ADARB1: variants seen among roughly 807,000 people sequenced by gnomAD.
ADARB1 encodes the protein double-stranded RNA-specific editase 1.
ADARB1 carries 10 observed loss-of-function variants against 52.4 expected under a neutral mutation model. The observed-to-expected ratio is 0.19, with a 90% CI of 0.12 to 0.32. The LOEUF is 0.32. ADARB1 is among the 10% of genes least tolerant of loss of function. ADARB1 has a pLI of 1.00. For missense variants in ADARB1, 643 were observed against 922.3 expected (o/e 0.70, Z 3.92); for synonymous variants, 349 against 371.1 (o/e 0.94, Z 0.68).
At position 45,172,106 on chromosome 21, in the gene ADARB1, C is replaced by T. The variant is rs887692176; in HGVS notation, c.28+422C>T. Among the ~76,000 whole-genome samples the T allele has an allele frequency of 4.5e-4, 68 of 152,102 alleles. No homozygotes were observed. The highest frequency in any genetic ancestry group is 8.8e-5 in the Non-Finnish European group (6 of 68,014). ...TATTTCCCTTCAAAATGCAGGTTCT[C>T]GCTGCATTTTGAAGGAAGGGGATTC... On this transcript the variant is annotated intron_variant, in intron 3 of 10. Transcript: ENST00000348831. This position sits in a 1 kb window ranked among gnomAD's most constrained non-coding sequence, Gnocchi z 4.4.
At position 45,222,827 on chromosome 21, in the gene ADARB1, A is replaced by T. The variant is rs1243299981; in HGVS notation, c.*630A>T. 2 of 985,400 alleles carry T rather than the reference A, an allele frequency of 2.0e-6. No homozygotes were observed. The highest frequency in any genetic ancestry group is 2.4e-6 in the Non-Finnish European group (2 of 830,014). The allele number at this position is 985,400 out of a possible 1,614,324, so 61.0% of individuals were successfully genotyped here. On this transcript the variant is annotated 3_prime_UTR_variant, in exon 11 of 11. Transcript: ENST00000348831. ...TCTCCCTGAGGAGCAGACTCCCAGCATGGTGTAGCGTGGCCCTGTCATGCA... is the reference window on the plus strand; with the variant it reads ...TCTCCCTGAGGAGCAGACTCCCAGCTTGGTGTAGCGTGGCCCTGTCATGCA...
intron 8 of ADARB1, among the ~76,000 whole-genome samples, chr21:45,194,777 A>G: frequency 6.6e-6 from 1 of 152,108 alleles, no homozygotes; most frequent in East Asian, 1.9e-4. Context: ...ATTTTTTTTA[A>G]GTGCTAAATA....
At chr21:45,099,474 G>T (rs186637688) in intron 1 of ADARB1, among the ~76,000 whole-genome samples, 105 of 150,892 alleles carry the variant, frequency 7.0e-4, no homozygotes, top group South Asian at 4.5e-3. Context: ...AGACCAGCCT[G>T]GCCAACATGG....
rs999638256 is a variant in ADARB1, at chr21:45,223,202, T to C, written c.*1005T>C. On this transcript the variant is annotated 3_prime_UTR_variant, in exon 11 of 11. Coordinates refer to ENST00000348831, the MANE Select transcript of ADARB1 (RefSeq NM_001112.4). ...GAAGTAGAATGATTTCAGTAGATAC[T>C]CATTCTTGGAAAATGCCATAGTTTT... 5 of 985,346 alleles carry C rather than the reference T, an allele frequency of 5.1e-6. No homozygotes were observed. The Admixed American group carries it at 3.1e-4, about 61-fold the overall frequency. The allele number at this position is 985,346 out of a possible 1,614,324, so 61.0% of individuals were successfully genotyped here.
At chr21:45,178,140 C>T (rs572857429) in intron 4 of ADARB1, among the ~76,000 whole-genome samples, 2 of 152,338 alleles carry the variant, frequency 1.3e-5, no homozygotes, top group African/African-American at 4.8e-5. Flanking sequence ...TCCCAGATGT[C>T]TGAACCTTCA....
intron 1 of ADARB1, among the ~76,000 whole-genome samples, chr21:45,078,857 T>C (rs1723339043): frequency 6.6e-6 from 1 of 152,246 alleles, no homozygotes; most frequent in African/African-American, 2.4e-5. Flanking sequence ...GCTTTACATA[T>C]ATTAATTCAT....
At chr21:45,191,680 A>G (rs2092285251) in intron 8 of ADARB1, among the ~76,000 whole-genome samples, 1 of 151,626 alleles carries the variant, frequency 6.6e-6, no homozygotes, top group African/African-American at 2.4e-5. Context: ...ATTTTTGTTT[A>G]TAAGTTAAAT....
intron 2 of ADARB1, among the ~76,000 whole-genome samples, chr21:45,162,190 C>A (rs531712123): frequency 2.0e-5 from 3 of 152,208 alleles, no homozygotes; most frequent in Non-Finnish European, 4.4e-5. Context: ...AGTGACGCCC[C>A]CTTTGGGGCC....
At chr21:45,214,563 G>A (rs894263313) in intron 9 of ADARB1, among the ~76,000 whole-genome samples, 6 of 152,194 alleles carry the variant, frequency 3.9e-5, no homozygotes, top group African/African-American at 1.2e-4. Flanking sequence ...TGTAGGGTAT[G>A]AAGGATGAAC....
At chr21:45,090,719 C>T (rs765734156) in intron 1 of ADARB1, among the ~76,000 whole-genome samples, 7 of 152,178 alleles carry the variant, frequency 4.6e-5, no homozygotes, top group Non-Finnish European at 7.3e-5. Context: ...CTACCCTCCC[C>T]AGGAGGACCC....
chr21:45,099,491 C>T (rs529495093), intron 1 of ADARB1, among the ~76,000 whole-genome samples: 1 of 137,546 alleles, frequency 7.3e-6, no homozygotes, highest in South Asian at 2.6e-4. Context: ...ATGGTGAAAC[C>T]CTATCTCTAC....
chr21:45,199,461 C>A (rs907069768), intron 8 of ADARB1, among the ~76,000 whole-genome samples: 3 of 152,176 alleles, frequency 2.0e-5, no homozygotes, highest in Non-Finnish European at 4.4e-5. Flanking sequence ...AGGGCTGCAG[C>A]CAGCAGTCTG....
chr21:45,097,328 G>A (rs997391857), intron 1 of ADARB1, among the ~76,000 whole-genome samples: 11 of 152,106 alleles, frequency 7.2e-5, no homozygotes, highest in African/African-American at 2.2e-4. Flanking sequence ...CATGATTTTC[G>A]GGCTACTGGA....
chr21:45,077,819 A>G (rs183888483), intron 1 of ADARB1, among the ~76,000 whole-genome samples: 65 of 152,344 alleles, frequency 4.3e-4, no homozygotes, highest in African/African-American at 1.5e-3. Context: ...GAGGTAGGAA[A>G]AGCAAATGGG....
At chr21:45,186,827 T>C (rs796503971) in intron 8 of ADARB1, among the ~76,000 whole-genome samples, 6 of 152,336 alleles carry the variant, frequency 3.9e-5, no homozygotes, top group African/African-American at 1.4e-4. Flanking sequence ...TGCACTCTGT[T>C]GAAGATGATT....
chr21:45,078,352 A>G (rs2086026176), intron 1 of ADARB1, among the ~76,000 whole-genome samples: 1 of 152,162 alleles, frequency 6.6e-6, no homozygotes, highest in Non-Finnish European at 1.5e-5. Flanking sequence ...GTACTGTTCT[A>G]GGTATTGGAG....
At chr21:45,201,829 G>A (rs1196916403) in intron 8 of ADARB1, among the ~76,000 whole-genome samples, 2 of 152,026 alleles carry the variant, frequency 1.3e-5, no homozygotes, top group Non-Finnish European at 2.9e-5. Context: ...CAGCAGGTAA[G>A]CAAAAGGCTT....
chr21:45,147,918 C>G (rs2090087549), intron 2 of ADARB1, among the ~76,000 whole-genome samples: 1 of 152,168 alleles, frequency 6.6e-6, no homozygotes, highest in African/African-American at 2.4e-5. Flanking sequence ...TCCTCTGTCA[C>G]CGAGAGAGAG....
At chr21:45,154,532 C>T (rs889274204) in intron 2 of ADARB1, among the ~76,000 whole-genome samples, 4 of 152,080 alleles carry the variant, frequency 2.6e-5, no homozygotes, top group Non-Finnish European at 4.4e-5. Flanking sequence ...ATACAATGTA[C>T]GCCTTTTAAA....
Sources: allele counts gnomAD v4.1 joint callset (sites outside exome capture counted in the v4.1 genomes callset), GRCh38; gene constraint gnomAD v4.1.1; non-coding constraint Gnocchi (gnomAD v3.1); transcripts MANE v1.5; gene names NCBI Gene and HGNC (gene_info 2026-07-23, HGNC 2026-07-21).